TMEM67: variants seen among roughly 807,000 people sequenced by gnomAD.
The protein encoded by TMEM67 is meckelin.
Under a neutral mutation model 136.6 loss-of-function variants are expected in TMEM67, and 124 were observed. The ratio of observed to expected loss-of-function variants is 0.91; its 90% CI spans 0.78 to 1.05. The LOEUF is 1.05. Ranked by LOEUF, TMEM67 falls within the 50% of genes least tolerant of loss-of-function variation. The pLI, the probability that TMEM67 is intolerant of heterozygous loss-of-function variation, is 0.00. For synonymous variants in TMEM67, 364 were observed against 390.5 expected (o/e 0.93, Z 0.80); for missense variants, 1,107 against 1,178.4 (o/e 0.94, Z 0.89).
intron 15 of TMEM67, among the ~76,000 whole-genome samples, chr8:93,791,581 T>C (rs1376870815): frequency 6.6e-6 from 1 of 152,194 alleles, no homozygotes; most frequent in Non-Finnish European, 1.5e-5. Flanking sequence ...ACATATTGCT[T>C]TTAGCTGTCA....
the TMEM67 span, among the ~76,000 whole-genome samples, chr8:93,827,596 A>AT: frequency 1.0e-5 from 1 of 97,480 alleles, no homozygotes; most frequent in African/African-American, 3.9e-5. Context: ...TTTTTTTTGT[A>AT]TTTTTTGCCT....
intron 7 of TMEM67, among the ~76,000 whole-genome samples, chr8:93,776,928 T>C (rs1813572228): frequency 1.3e-5 from 2 of 152,240 alleles, no homozygotes; most frequent in Admixed American, 1.3e-4. Context: ...GAAGGAATGA[T>C]ACCAGCTCCT....
chr8:93,813,431 G>A (rs1808778756), intron 26 of TMEM67, among the ~76,000 whole-genome samples: 1 of 151,496 alleles, frequency 6.6e-6, no homozygotes, highest in Non-Finnish European at 1.5e-5. Context: ...TGCCCACCTC[G>A]GCCTCCCAAA....
At chr8:93,767,087 C>T (rs546458644) in intron 6 of TMEM67, among the ~76,000 whole-genome samples, 3 of 152,262 alleles carry the variant, frequency 2.0e-5, no homozygotes, top group Admixed American at 6.5e-5. Context: ...ATGGTCATGT[C>T]CCTTTAGCTT....
At chr8:93,798,414 T>C (rs544440250) in intron 20 of TMEM67, among the ~76,000 whole-genome samples, 2 of 152,216 alleles carry the variant, frequency 1.3e-5, no homozygotes, top group Non-Finnish European at 2.9e-5. Flanking sequence ...CAAATTTGTA[T>C]TGAACACTTA....
At position 93,803,672 on chromosome 8, in the gene TMEM67, C is replaced by G; in HGVS notation, c.2310C>G (p.Cys770Trp). Residue 770 changes from cysteine to tryptophan, a missense_variant, in exon 22 of 28, where the codon TGC becomes TGG. This residue lies in a region of TMEM67 where 925 missense variants were observed against 1,002.4 expected (regional missense o/e 0.92). Transcript: ENST00000453321. ...AAATTCGACAGTTCGTTGATTTATG[C>G]TCTATGAGTAATGTAAGTACTTTCT... The part of the protein sequence containing the change: ...EDKIRQFVDL[C>W]SMSNISVFLL... 1 of 1,571,364 alleles carries G rather than the reference C, an allele frequency of 6.4e-7. No individual in the cohort carries two copies. Among genetic ancestry groups the G allele is most frequent in the Non-Finnish European group, 8.8e-7 (1 of 1,141,632 alleles).
chr8:93,782,573 T>TG, intron 11 of TMEM67, 113 bp downstream of exon 11: 31 of 414,380 alleles, frequency 7.5e-5, no homozygotes, highest in Middle Eastern at 1.6e-3. Flanking sequence ...TATTCTTGGT[T>TG]TTTTTTTTTT....
At chr8:93,819,955 G>C (rs1310720370), downstream of TMEM67, among the ~76,000 whole-genome samples, 1 of 152,100 alleles carries the variant, frequency 6.6e-6, no homozygotes, top group Non-Finnish European at 1.5e-5. Context: ...CACCTCCTCT[G>C]TCTGGCCCTG....
rs748544419 is a variant in TMEM67 at position 93,795,941 on chromosome 8, A to G, written c.1814A>G (p.Gln605Arg). The G allele has an allele frequency of 2.8e-5, 45 of 1,613,464 alleles. 2 individuals are homozygous for G. In the South Asian group the frequency reaches 4.4e-4, roughly 16 times the overall value. ...SVSVLLPMPI[Q>R]EERFVTYVGC... ...TCTGTTTTGCTGCCAATGCCAATTC[A>G]GGAAGAACGTTTTGTCACTTATGTT... The change falls in exon 18 of 28, where the codon CAG becomes CGG. Residue 605 changes from glutamine to arginine, a missense_variant. Transcript: ENST00000453321.
chr8:93,795,271 C>T, intron 16 of TMEM67, 138 bp from the exon 17 acceptor site: 1 of 776,562 alleles, frequency 1.3e-6, no homozygotes, highest in Non-Finnish European at 2.3e-6. Flanking sequence ...GTCTTTATAG[C>T]TGGATCATAT....
intron 20 of TMEM67, among the ~76,000 whole-genome samples, chr8:93,799,365 T>A (rs1279320575): frequency 1.3e-5 from 2 of 152,184 alleles, no homozygotes; most frequent in Admixed American, 6.5e-5. Flanking sequence ...TCAGTGTGTA[T>A]GACAATAAGG....
At chr8:93,790,897 T>A (rs952553506) in intron 14 of TMEM67, among the ~76,000 whole-genome samples, 4 of 152,256 alleles carry the variant, frequency 2.6e-5, no homozygotes, top group African/African-American at 9.6e-5. Context: ...TTCAGACCTT[T>A]GATTAATCTG....
chr8:93,781,736 GTT>G lies in TMEM67; in HGVS notation c.1060_1061del (p.Leu354ThrfsTer25). 6.3e-7 allele frequency: 1 copy of G among 1,596,260 alleles called. No homozygotes were observed. The highest frequency in any genetic ancestry group is 8.6e-7 in the Non-Finnish European group (1 of 1,165,262). The stretch of plus-strand genomic sequence containing the variant: ...CAAGTGGCAAACTTTAGAAGGAGGT[GTT>G]TTACAGGTAAGCATGATTCTAGTTA... ...FLKWQTLEGG[V>X]LQLCPDTETR... On this transcript the variant is annotated frameshift_variant, in exon 10 of 28. Coordinates refer to ENST00000453321, the MANE Select transcript of TMEM67 (RefSeq NM_153704.6). LOFTEE classifies it high-confidence loss of function.
In TMEM67 at chr8:93,799,759, G is replaced by A. The variant is rs751277117; in HGVS notation, c.2241+1G>A. On this transcript the variant is annotated splice_donor_variant, in intron 21 of 27. Transcript: ENST00000453321. LOFTEE classifies it high-confidence loss of function. ...TTGGCTAGCCATTGGAATTATACAG[G>A]TAAGGAATTATACAGGTAATATTAC... is the stretch of plus-strand genomic sequence containing the variant. The A allele has an allele frequency of 1.9e-6, 3 of 1,612,130 alleles. No homozygotes were observed. The highest frequency in any genetic ancestry group is 1.7e-6 in the Non-Finnish European group (2 of 1,178,492).
chr8:93,788,213 G>A (rs1814204991), intron 14 of TMEM67, among the ~76,000 whole-genome samples: 1 of 152,108 alleles, frequency 6.6e-6, no homozygotes, highest in African/African-American at 2.4e-5. Flanking sequence ...TAGGGATCCT[G>A]GGATATGCTG....
intron 20 of TMEM67, among the ~76,000 whole-genome samples, chr8:93,799,181 T>A (rs1814757220): frequency 6.6e-6 from 1 of 152,198 alleles, no homozygotes; most frequent in Non-Finnish European, 1.5e-5. Flanking sequence ...AGATTCTTTT[T>A]TCAAGAACTT....
intron 16 of TMEM67, 117 bp from the exon 17 acceptor site, chr8:93,795,292 G>A: frequency 1.1e-6 from 1 of 882,470 alleles, no homozygotes; most frequent in Admixed American, 1.8e-5. Flanking sequence ...GGGGATATGT[G>A]AAACAAGGCT....
At chr8:93,808,479 T>A (rs1265271117) in intron 23 of TMEM67, among the ~76,000 whole-genome samples, 1 of 146,404 alleles carries the variant, frequency 6.8e-6, no homozygotes, top group Non-Finnish European at 1.5e-5. Flanking sequence ...ATTATAGATA[T>A]TTATCTATAA....
chr8:93,782,862 A>T (rs533776191), intron 11 of TMEM67, among the ~76,000 whole-genome samples: 25 of 152,300 alleles, frequency 1.6e-4, no homozygotes, highest in African/African-American at 5.5e-4. Flanking sequence ...GGCATGAGCC[A>T]CCGTGCCTGG....
Sources: gnomAD v4.1 joint callset for allele counts (sites outside exome capture counted in the v4.1 genomes callset) on GRCh38, gnomAD v4.1.1 for gene constraint, gnomAD v4.1.1 regional missense constraint, MANE v1.5 for transcripts, NCBI Gene and HGNC (gene_info 2026-07-23, HGNC 2026-07-21) for gene names.